The following RLF variants were observed in gnomAD, a reference collection of about 807,000 sequenced individuals.
RLF encodes RLF zinc finger.
RLF carries 7 observed loss-of-function variants against 162.9 expected under a neutral mutation model. The ratio of observed to expected loss-of-function variants is 0.04; its 90% CI spans 0.02 to 0.08. The LOEUF (loss-of-function observed/expected upper bound fraction) is 0.08. Among genes scored for constraint, RLF ranks in the 10% least tolerant of loss-of-function variants. RLF has a pLI of 1.00. For missense variants in RLF, 1,664 were observed against 2,244.7 expected, an observed-to-expected ratio of 0.74 and a Z score of 5.23; for synonymous variants, 782 against 791.5, an observed-to-expected ratio of 0.99 and a Z score of 0.20.
At position 40,222,185 on chromosome 1, in the gene RLF, A is replaced by C. The variant is rs554867299; in HGVS notation, c.811-389A>C. Among the ~76,000 whole-genome samples, 30 of 152,230 alleles carry C rather than the reference A, an allele frequency of 2.0e-4. No homozygotes were observed. In the South Asian group the frequency reaches 4.4e-3, roughly 22 times the overall value. On this transcript the variant is annotated intron_variant, in intron 5 of 7. Coordinates refer to ENST00000372771, the MANE Select transcript of RLF (RefSeq NM_012421.4). ...TTGAGGATAAGCCATATGTTTTACT[A>C]TCTGTAACCAGAGTGACCCAGCTGT...
intron 4 of RLF, among the ~76,000 whole-genome samples, chr1:40,200,376 C>A (rs962595755): frequency 6.6e-6 from 1 of 151,524 alleles, no homozygotes; most frequent in Non-Finnish European, 1.5e-5. Flanking sequence ...TAGATTTATT[C>A]ACATGTTTCA....
At chr1:40,233,297 A>G (rs1033713130) in intron 7 of RLF, among the ~76,000 whole-genome samples, 1 of 152,126 alleles carries the variant, frequency 6.6e-6, no homozygotes, top group Non-Finnish European at 1.5e-5. Context: ...TGTTCAGAAT[A>G]TATAATAGTA....
chr1:40,238,709 A>G lies in RLF; in HGVS notation c.4007A>G (p.Gln1336Arg). Reference protein sequence around the residue: ...GLIRHYRTVHQYNKEQLCLEK... With the variant: ...GLIRHYRTVHRYNKEQLCLEK... ...ATTCGCCATTACAGAACTGTACATC[A>G]GTACAACAAAGAACAGTTATGTTTG... Residue 1336 changes from glutamine (Q) to arginine (R), a missense_variant, in exon 8 of 8, where the codon CAG becomes CGG. This residue lies in a region of RLF where 33 missense variants were observed against 73.3 expected (regional missense o/e 0.45). Transcript: ENST00000372771. The surrounding 1 kb of genome is among the most constrained non-coding windows in gnomAD (Gnocchi z 5.2). 6.2e-7 allele frequency: 1 copy of G among 1,613,978 alleles called. No individual in the cohort carries two copies. The highest frequency in any genetic ancestry group is 8.5e-7 in the Non-Finnish European group (1 of 1,179,872).
At chr1:40,218,511 G>A (rs369289964) in intron 5 of RLF, among the ~76,000 whole-genome samples, 2 of 152,030 alleles carry the variant, frequency 1.3e-5, no homozygotes, top group East Asian at 1.9e-4. Context: ...GTGACATCAC[G>A]CATTGCCGTT....
chr1:40,219,947 T>C (rs993226536), intron 5 of RLF, among the ~76,000 whole-genome samples: 1 of 152,086 alleles, frequency 6.6e-6, no homozygotes. Flanking sequence ...ATAATGATAA[T>C]AGAAAAACAG....
chr1:40,237,236 C>T lies in RLF; in HGVS notation c.2534C>T (p.Thr845Ile). Residue 845 changes from threonine (T) to isoleucine (I), a missense_variant, in exon 8 of 8, where the codon ACA becomes ATA. By Grantham distance (89) the Thr-to-Ile change is moderately conservative. This residue lies in a region of RLF where 295 missense variants were observed against 317.4 expected (regional missense o/e 0.93). Coordinates refer to ENST00000372771, the MANE Select transcript of RLF (RefSeq NM_012421.4). The surrounding 1 kb of genome is among the most constrained non-coding windows in gnomAD (Gnocchi z 4.4). ...KKSVKLEESA[T>I]GEKQDCINQP... ...TCAGTGAAACTTGAGGAGTCTGCAA[C>T]AGGTGAAAAGCAAGATTGTATTAAT... 6.2e-7 allele frequency: 1 copy of T among 1,613,918 alleles called. No homozygotes were observed. Among genetic ancestry groups the T allele is most frequent in the African/African-American group, 1.3e-5 (1 of 75,024 alleles).
intron 1 of RLF, among the ~76,000 whole-genome samples, chr1:40,182,745 ATAGATAGG>A (rs1172899210): frequency 1.8e-5 from 2 of 112,654 alleles, no homozygotes; most frequent in African/African-American, 3.7e-5. Context: ...GTATAGACAG[ATAGATAGG>A]TAGATAGATA....
rs745615905 is a variant in RLF, at chr1:40,161,662, G to T, written c.237+26G>T. ...GTGAGGGGCTGACTGGCTGGCTGAG[G>T]GCGGCGGGGCGGGGAAGTCAGGGAA... On this transcript the variant is annotated intron_variant, in intron 1 of 7. Coordinates refer to ENST00000372771, the MANE Select transcript of RLF (RefSeq NM_012421.4). The surrounding 1 kb of genome is among the most constrained non-coding windows in gnomAD (Gnocchi z 4.4). 2.5e-6 allele frequency: 4 copies of T among 1,604,766 alleles called. No individual in the cohort carries two copies. The highest frequency in any genetic ancestry group is 3.4e-6 in the Non-Finnish European group (4 of 1,177,156).
At chr1:40,231,395 T>C (rs761057368) in intron 6 of RLF, 122 bp from the exon 7 acceptor site, 23 of 749,362 alleles carry the variant, frequency 3.1e-5, no homozygotes, top group Non-Finnish European at 5.1e-5. Context: ...TAGACAGCTT[T>C]TAATCTAGTT....
chr1:40,173,483 C>G (rs1309817675), intron 1 of RLF, among the ~76,000 whole-genome samples: 1 of 150,974 alleles, frequency 6.6e-6, no homozygotes, highest in Admixed American at 6.6e-5. Context: ...GTCATTAAAA[C>G]TAGATTTTGT....
intron 5 of RLF, among the ~76,000 whole-genome samples, chr1:40,221,372 C>A (rs1207489579): frequency 6.6e-6 from 1 of 151,198 alleles, no homozygotes; most frequent in Admixed American, 6.6e-5. Flanking sequence ...AATAAAAGTT[C>A]TAGAAATAAG....
In RLF at chr1:40,237,018, A is replaced by G; in HGVS notation, c.2316A>G (p.Lys772=). Residue 772 remains lysine, a synonymous_variant, in exon 8 of 8, where the codon AAA becomes AAG. Transcript: ENST00000372771. This position sits in a 1 kb window ranked among gnomAD's most constrained non-coding sequence, Gnocchi z 4.4. ...AAAAGCATGACGATCTGCGTTACAA[A>G]TGTGAATTAAATGGCTGTAATATTG... ...HKQKHDDLRY[K]CELNGCNIVF... is the part of the protein sequence containing the mutation. The G allele has an allele frequency of 1.2e-6, 2 of 1,614,178 alleles. No individual in the cohort carries two copies. Among genetic ancestry groups the G allele is most frequent in the Non-Finnish European group, 1.7e-6 (2 of 1,180,016 alleles).
At chr1:40,204,034 CT>C (rs60379541) in intron 5 of RLF, among the ~76,000 whole-genome samples, 15,380 of 135,034 alleles carry the variant, frequency 0.11, 1,325 homozygotes, top group African/African-American at 0.28. Context: ...GGTCCTCTCT[CT>C]TTTTTTTTTT....
At chr1:40,226,910 G>A (rs1643085871) in intron 6 of RLF, among the ~76,000 whole-genome samples, 2 of 152,098 alleles carry the variant, frequency 1.3e-5, no homozygotes, top group African/African-American at 2.4e-5. Flanking sequence ...TGTCACCCAG[G>A]CTGCAGTGCA....
chr1:40,209,838 T>C (rs1642844073), intron 5 of RLF, among the ~76,000 whole-genome samples: 1 of 150,852 alleles, frequency 6.6e-6, no homozygotes, highest in Admixed American at 6.6e-5. Flanking sequence ...GATCGTGCCA[T>C]TTGCACTCGA....
Position 40,238,998 on chromosome 1 carries a change from T to C in RLF, c.4296T>C (p.His1432=). The C allele has an allele frequency of 6.2e-7, 1 of 1,614,206 alleles. No individual in the cohort carries two copies. Among genetic ancestry groups the C allele is most frequent in the Non-Finnish European group, 8.5e-7 (1 of 1,180,020 alleles). The change falls in exon 8 of 8, where the codon CAT becomes CAC. Residue 1432 remains histidine (H), a synonymous_variant. Coordinates refer to ENST00000372771, the MANE Select transcript of RLF (RefSeq NM_012421.4). This position sits in a 1 kb window ranked among gnomAD's most constrained non-coding sequence, Gnocchi z 5.2. ...NKLKHHLMEQ[H]NIEGEIHSDY... ...TGAAGCACCACTTGATGGAACAGCA[T>C]AATATTGAAGGGGAAATACATTCAG...
intron 1 of RLF, among the ~76,000 whole-genome samples, chr1:40,176,454 T>C (rs1642326894): frequency 6.6e-6 from 1 of 152,242 alleles, no homozygotes; most frequent in South Asian, 2.1e-4. Flanking sequence ...AATGGCTTTT[T>C]AAAATTTTGA....
At chr1:40,211,390 A>G (rs1208018049) in intron 5 of RLF, among the ~76,000 whole-genome samples, 1 of 152,102 alleles carries the variant, frequency 6.6e-6, no homozygotes, top group African/African-American at 2.4e-5. Flanking sequence ...TCTACCACCT[A>G]TTTCCATGTG....
intron 5 of RLF, among the ~76,000 whole-genome samples, chr1:40,203,657 A>T (rs1037809825): frequency 6.6e-6 from 1 of 151,930 alleles, no homozygotes; most frequent in Admixed American, 6.6e-5. Flanking sequence ...TTGACATTAT[A>T]CAGAAAAAAA....
Sources: gnomAD v4.1 joint callset for allele counts (sites outside exome capture counted in the v4.1 genomes callset) on GRCh38, gnomAD v4.1.1 for gene constraint, gnomAD v4.1.1 regional missense constraint, Gnocchi (gnomAD v3.1) non-coding constraint, MANE v1.5 for transcripts, NCBI Gene and HGNC (gene_info 2026-07-23, HGNC 2026-07-21) for gene names.